Variants in CMSS1 observed in about 807,000 individuals in gnomAD.
The protein encoded by CMSS1 is protein CMSS1.
Under a neutral mutation model 43.5 loss-of-function variants are expected in CMSS1, and 33 were observed. That is an observed-to-expected ratio of 0.76 (90% confidence interval 0.57 to 1.01). The LOEUF is 1.01. Ranked by LOEUF, CMSS1 falls within the 50% of genes least tolerant of loss-of-function variation. The pLI is 0.00. For missense variants in CMSS1, 313 were observed against 326.4 expected (o/e 0.96, Z 0.32); for synonymous variants, 115 against 117.2 (o/e 0.98, Z 0.12).
At chr3:99,970,842 G>T (rs1391137710) in intron 1 of CMSS1, among the ~76,000 whole-genome samples, 2 of 152,198 alleles carry the variant, frequency 1.3e-5, no homozygotes, top group Non-Finnish European at 2.9e-5. Flanking sequence ...GCAAAATGTT[G>T]TGAGGATATT....
At chr3:99,831,387 C>T (rs1226573131) in intron 1 of CMSS1, among the ~76,000 whole-genome samples, 2 of 152,116 alleles carry the variant, frequency 1.3e-5, no homozygotes, top group Non-Finnish European at 2.9e-5. Flanking sequence ...CTTACAGGTA[C>T]TTTTGATTTT....
At position 100,178,735 on chromosome 3, in the gene CMSS1, C is replaced by T. The variant is rs1022117714; in HGVS notation, c.*347C>T. 6 of 188,616 alleles carry T rather than the reference C, an allele frequency of 3.2e-5. No individual in the cohort carries two copies. The highest frequency in any genetic ancestry group is 1.4e-4 in the African/African-American group (6 of 42,724). The allele number at this position is 188,616 out of a possible 1,614,324, so 11.7% of individuals were successfully genotyped here. A position where few individuals can be genotyped will look rare whatever the true frequency, so the allele number is the denominator to read the frequency against. On this transcript the variant is annotated 3_prime_UTR_variant, in exon 10 of 10. Transcript: ENST00000421999. The stretch of plus-strand genomic sequence containing the variant: ...GCCTCTCTGAGCCCCATCTTATCAA[C>T]TCAAAGTGGGAATGTCTCACAGCAT...
At chr3:100,147,265 CTTTTTTTTTTTTTTTTT>C (rs71132514) in intron 2 of CMSS1, among the ~76,000 whole-genome samples, 12 of 86,836 alleles carry the variant, frequency 1.4e-4, no homozygotes, top group Non-Finnish European at 2.4e-4. Context: ...AATTCTTTTT[CTTTTTTTTTTTTTTTTT>C]TTTTTTGAGA....
chr3:99,848,969 G>C, intron 1 of CMSS1: 1 of 1,614,128 alleles, frequency 6.2e-7, no homozygotes, highest in Non-Finnish European at 8.5e-7. Flanking sequence ...ACCTTTATAT[G>C]AAGTGGCTGC....
intron 1 of CMSS1, among the ~76,000 whole-genome samples, chr3:100,089,915 A>G (rs572131451): frequency 6.6e-6 from 1 of 152,276 alleles, no homozygotes; most frequent in South Asian, 2.1e-4. Context: ...GTAGGAATTG[A>G]CTCAGATGAT....
At chr3:99,965,361 C>T (rs549916421) in intron 1 of CMSS1, among the ~76,000 whole-genome samples, 1 of 152,300 alleles carries the variant, frequency 6.6e-6, no homozygotes, top group Admixed American at 6.5e-5. Context: ...TCACATTTCT[C>T]TCTGTTGCCC....
At chr3:100,108,426 A>G (rs752989348) in intron 1 of CMSS1, among the ~76,000 whole-genome samples, 13 of 152,150 alleles carry the variant, frequency 8.5e-5, no homozygotes, top group Non-Finnish European at 1.9e-4. Flanking sequence ...TCTGCATTTT[A>G]TGGCTGAGGA....
chr3:100,102,301 A>G (rs188779098), intron 1 of CMSS1, among the ~76,000 whole-genome samples: 1 of 152,120 alleles, frequency 6.6e-6, no homozygotes, highest in African/African-American at 2.4e-5. Flanking sequence ...TGACTTTTTA[A>G]TGATCGCCAT....
rs1576509663 is a variant in CMSS1 at position 99,849,467 on chromosome 3, A to G, written c.64+31424A>G. 12 of 1,613,814 alleles carry G rather than the reference A, an allele frequency of 7.4e-6. 2 individuals are homozygous for G. The Admixed American group carries it at 1.5e-4, about 20-fold the overall frequency. ...ACTGAGTGATCTCCCTGGAGGTGAC[A>G]TATTAGGTCTTCAGTTGCCATGTAT... On this transcript the variant is annotated intron_variant, in intron 1 of 9. Coordinates refer to ENST00000421999, the MANE Select transcript of CMSS1 (RefSeq NM_032359.4).
At chr3:100,139,819 C>G (rs1056732686) in intron 1 of CMSS1, among the ~76,000 whole-genome samples, 2 of 150,556 alleles carry the variant, frequency 1.3e-5, no homozygotes, top group African/African-American at 2.4e-5. Flanking sequence ...AAAAATCCAG[C>G]CAGGACAAGT....
At chr3:99,833,303 T>A (rs190309220) in intron 1 of CMSS1, 1 of 1,531,218 alleles carries the variant, frequency 6.5e-7, no homozygotes, top group African/African-American at 1.4e-5. Flanking sequence ...TTGTGGAATA[T>A]ATTAAATTCT....
intron 1 of CMSS1, among the ~76,000 whole-genome samples, chr3:99,902,194 G>A (rs1474564620): frequency 1.3e-5 from 2 of 152,060 alleles, no homozygotes; most frequent in African/African-American, 4.8e-5. Context: ...CTTAGTATTC[G>A]AGACATTCTT....
rs577581377 is a variant in CMSS1, at chr3:99,919,968, C to G, written c.64+101925C>G. Among the ~76,000 whole-genome samples, 4 of 152,336 alleles carry G rather than the reference C, an allele frequency of 2.6e-5. No homozygotes were observed. In the South Asian group the frequency reaches 8.3e-4, roughly 32 times the overall value. ...ACAGAAAAGGAACAAGAGATTAATT[C>G]TACCTTGACTCCTTTCTTTGTGGTG... On this transcript the variant is annotated intron_variant, in intron 1 of 9. Transcript: ENST00000421999.
intron 1 of CMSS1, among the ~76,000 whole-genome samples, chr3:100,117,365 C>T (rs887615583): frequency 1.3e-5 from 2 of 151,940 alleles, no homozygotes; most frequent in African/African-American, 4.8e-5. Flanking sequence ...TCCAACATCA[C>T]TGAGATAATT....
chr3:100,073,094 T>C (rs2065789759), intron 1 of CMSS1, among the ~76,000 whole-genome samples: 1 of 152,240 alleles, frequency 6.6e-6, no homozygotes, highest in African/African-American at 2.4e-5. Flanking sequence ...ATCATGTTTC[T>C]TTCATCTGCC....
intron 2 of CMSS1, among the ~76,000 whole-genome samples, chr3:100,154,845 C>T (rs994406040): frequency 2.2e-4 from 34 of 151,900 alleles, no homozygotes; most frequent in Non-Finnish European, 3.4e-4. Context: ...GGAGGCACAC[C>T]CCTGTAATCC....
intron 1 of CMSS1, among the ~76,000 whole-genome samples, chr3:99,828,847 G>A (rs1942588459): frequency 6.6e-6 from 1 of 151,714 alleles, no homozygotes; most frequent in South Asian, 2.1e-4. Context: ...TAATTCACTT[G>A]ACCTCCCCCT....
At chr3:99,947,950 A>G (rs1306669857) in intron 1 of CMSS1, among the ~76,000 whole-genome samples, 1 of 152,256 alleles carries the variant, frequency 6.6e-6, no homozygotes, top group Non-Finnish European at 1.5e-5. Context: ...ATAGACTTGA[A>G]TAAAAAATAT....
At chr3:99,888,198 T>A (rs1347144691) in intron 1 of CMSS1, among the ~76,000 whole-genome samples, 1 of 152,140 alleles carries the variant, frequency 6.6e-6, no homozygotes, top group Non-Finnish European at 1.5e-5. Context: ...ATTTTGAACT[T>A]ATTAAATATT....
Sources: allele counts gnomAD v4.1 joint callset (sites outside exome capture counted in the v4.1 genomes callset), GRCh38; gene constraint gnomAD v4.1.1; transcripts MANE v1.5; gene names NCBI Gene and HGNC (gene_info 2026-07-23, HGNC 2026-07-21).